NR3C2: variants seen among roughly 807,000 people sequenced by gnomAD.
NR3C2 encodes mineralocorticoid receptor.
Under a neutral mutation model 86.4 loss-of-function variants are expected in NR3C2, and 15 were observed. The ratio of observed to expected loss-of-function variants is 0.17; its 90% CI spans 0.12 to 0.27. The LOEUF (loss-of-function observed/expected upper bound fraction) is 0.27, where lower values mean the gene tolerates loss of function less well. NR3C2 is among the 10% of genes least tolerant of loss of function. The pLI is 1.00. For synonymous variants in NR3C2, 458 were observed against 450.5 expected, an observed-to-expected ratio of 1.02 and a Z score of -0.21; for missense variants, 960 against 1,195.6, an observed-to-expected ratio of 0.80 and a Z score of 2.91.
At chr4:148,092,702 C>T (rs1731112358) in intron 8 of NR3C2, among the ~76,000 whole-genome samples, 1 of 152,232 alleles carries the variant, frequency 6.6e-6, no homozygotes, top group Non-Finnish European at 1.5e-5. Flanking sequence ...TCCTTTCCAT[C>T]TTTCCCTAGA....
At chr4:148,178,956 A>C (rs980771662) in intron 4 of NR3C2, among the ~76,000 whole-genome samples, 20 of 151,294 alleles carry the variant, frequency 1.3e-4, no homozygotes, top group Non-Finnish European at 2.8e-4. Flanking sequence ...AACAAAAAAA[A>C]ACAACAAAAC....
intron 2 of NR3C2, among the ~76,000 whole-genome samples, chr4:148,300,633 T>C (rs1458427421): frequency 1.4e-5 from 2 of 143,150 alleles, no homozygotes; most frequent in African/African-American, 5.1e-5. Context: ...TTACCTAGGC[T>C]GGAGTGCAAT....
At chr4:148,127,868 T>C (rs1732825338) in intron 6 of NR3C2, among the ~76,000 whole-genome samples, 3 of 152,258 alleles carry the variant, frequency 2.0e-5, no homozygotes, top group African/African-American at 7.2e-5. Context: ...TCATCTGGTC[T>C]TCTCTTAGAA....
chr4:148,389,576 G>A (rs1313191867), intron 2 of NR3C2, among the ~76,000 whole-genome samples: 2 of 151,606 alleles, frequency 1.3e-5, no homozygotes, highest in Non-Finnish European at 2.9e-5. Flanking sequence ...GAGTGAGATG[G>A]GGCTTTCATC....
At chr4:148,404,473 G>A (rs1327288338) in intron 2 of NR3C2, among the ~76,000 whole-genome samples, 1 of 151,918 alleles carries the variant, frequency 6.6e-6, no homozygotes, top group African/African-American at 2.4e-5. Flanking sequence ...TTGTTTTTTG[G>A]GGGGAGTCTA....
At chr4:148,366,570 C>G (rs1319918639) in intron 2 of NR3C2, among the ~76,000 whole-genome samples, 1 of 9,428 alleles carries the variant, frequency 1.1e-4, no homozygotes, top group Non-Finnish European at 2.3e-4. Flanking sequence ...GACACAAGTA[C>G]CAATTCAACA....
At chr4:148,128,990 G>A (rs1002408481) in intron 6 of NR3C2, among the ~76,000 whole-genome samples, 12 of 152,098 alleles carry the variant, frequency 7.9e-5, no homozygotes, top group African/African-American at 2.7e-4. Context: ...TTGAACTTTA[G>A]GCCTGGAAAA....
chr4:148,373,756 G>A (rs191528637), intron 2 of NR3C2, among the ~76,000 whole-genome samples: 125 of 152,156 alleles, frequency 8.2e-4, no homozygotes, highest in Non-Finnish European at 3.1e-4. Context: ...GGGATTATAG[G>A]CATGAGCCAC....
intron 1 of NR3C2, among the ~76,000 whole-genome samples, chr4:148,438,319 G>A (rs1173657863): frequency 6.6e-6 from 1 of 152,102 alleles, no homozygotes; most frequent in African/African-American, 2.4e-5. Flanking sequence ...CCCATGGGGG[G>A]CAAAATCACC....
chr4:148,234,348 T>C (rs1357951470), intron 3 of NR3C2, among the ~76,000 whole-genome samples: 2 of 151,964 alleles, frequency 1.3e-5, no homozygotes, highest in South Asian at 4.1e-4. Flanking sequence ...TTTCAATGGG[T>C]CTCCAGTACT....
chr4:148,189,119 G>A (rs1006750657), intron 4 of NR3C2, among the ~76,000 whole-genome samples: 2 of 151,928 alleles, frequency 1.3e-5, no homozygotes, highest in Non-Finnish European at 2.9e-5. Flanking sequence ...AGTAGAGACG[G>A]GGTTTTGCCA....
intron 4 of NR3C2, among the ~76,000 whole-genome samples, chr4:148,163,072 T>C (rs566407596): frequency 6.6e-6 from 1 of 152,280 alleles, no homozygotes; most frequent in Non-Finnish European, 1.5e-5. Flanking sequence ...CTATTTCCAC[T>C]GAGGTCAAGA....
At chr4:148,095,023 T>C (rs944540380) in intron 8 of NR3C2, among the ~76,000 whole-genome samples, 8 of 152,112 alleles carry the variant, frequency 5.3e-5, no homozygotes, top group Non-Finnish European at 1.0e-4. Context: ...AGCAGAATAG[T>C]GCTTACCAGG....
At chr4:148,428,994 C>A (rs1449673069) in intron 2 of NR3C2, among the ~76,000 whole-genome samples, 2 of 152,136 alleles carry the variant, frequency 1.3e-5, no homozygotes, top group Non-Finnish European at 2.9e-5. Context: ...GGTTTTCTCA[C>A]CCCCAACCCC....
At chr4:148,433,174 G>A (rs1180559899) in intron 2 of NR3C2, among the ~76,000 whole-genome samples, 1 of 152,112 alleles carries the variant, frequency 6.6e-6, no homozygotes, top group Non-Finnish European at 1.5e-5. Context: ...CTTGAGTGGA[G>A]CATGAAAACT....
At chr4:148,379,312 C>T (rs1181678634) in intron 2 of NR3C2, among the ~76,000 whole-genome samples, 1 of 151,878 alleles carries the variant, frequency 6.6e-6, no homozygotes, top group Non-Finnish European at 1.5e-5. Context: ...TCAATGAATC[C>T]TGTCAGGCAT....
At chr4:148,243,100 A>G (rs1207196819) in intron 3 of NR3C2, among the ~76,000 whole-genome samples, 2 of 150,988 alleles carry the variant, frequency 1.3e-5, no homozygotes, top group African/African-American at 4.9e-5. Flanking sequence ...GTATGATCAT[A>G]GGTCACTGCA....
At chr4:148,252,734 G>C (rs1345365872) in intron 3 of NR3C2, among the ~76,000 whole-genome samples, 1 of 152,134 alleles carries the variant, frequency 6.6e-6, no homozygotes, top group African/African-American at 2.4e-5. Flanking sequence ...ACTCGACAAA[G>C]GCCTTGAGAC....
At chr4:148,376,724 T>G (rs1222383658) in intron 2 of NR3C2, among the ~76,000 whole-genome samples, 1 of 152,204 alleles carries the variant, frequency 6.6e-6, no homozygotes, top group Non-Finnish European at 1.5e-5. Context: ...TAACTAAAAT[T>G]TTGTTGGTAA....
Sources: gnomAD v4.1 joint callset for allele counts (sites outside exome capture counted in the v4.1 genomes callset) on GRCh38, gnomAD v4.1.1 for gene constraint, MANE v1.5 for transcripts, NCBI Gene and HGNC (gene_info 2026-07-23, HGNC 2026-07-21) for gene names.